UHRF2: variants seen among roughly 807,000 people sequenced by gnomAD.
The protein encoded by UHRF2 is ubiquitin like with PHD and ring finger domains 2, also known as E3 ubiquitin-protein ligase UHRF2.
UHRF2 carries 23 observed loss-of-function variants against 96.8 expected under a neutral mutation model. The ratio of observed to expected loss-of-function variants is 0.24; its 90% CI spans 0.17 to 0.34. The LOEUF (loss-of-function observed/expected upper bound fraction) is 0.34, where lower values mean the gene tolerates loss of function less well. UHRF2 is among the 10% of genes least tolerant of loss of function. The pLI is 1.00. For synonymous variants in UHRF2, 385 were observed against 332.6 expected, an observed-to-expected ratio of 1.16 and a Z score of -1.72; for missense variants, 685 against 981.5, an observed-to-expected ratio of 0.70 and a Z score of 4.04.
chr9:6,487,182 CTTTTTTTTTTTTTTTTTT>C (rs1171978950), intron 9 of UHRF2, among the ~76,000 whole-genome samples: 2 of 69,586 alleles, frequency 2.9e-5, no homozygotes, highest in East Asian at 9.7e-4. Context: ...TTTTTTTTTC[CTTTTTTTTTTTTTTTTTT>C]TTTTTTTGAG....
intron 12 of UHRF2, chr9:6,499,195 A>C (rs1825131135): frequency 6.6e-6 from 1 of 152,284 alleles, no homozygotes; most frequent in Non-Finnish European, 1.5e-5. Flanking sequence ...TTGAGGCCTG[A>C]AACATACAGT....
chr9:6,467,600 T>TTG (rs1375656812), intron 4 of UHRF2, among the ~76,000 whole-genome samples: 29 of 150,400 alleles, frequency 1.9e-4, no homozygotes, highest in Non-Finnish European at 3.6e-4. Context: ...GAATAGTTTT[T>TTG]TTTTTTTTTT....
chr9:6,479,416 T>C (rs765995364), intron 6 of UHRF2, among the ~76,000 whole-genome samples: 1 of 152,102 alleles, frequency 6.6e-6, no homozygotes, highest in Non-Finnish European at 1.5e-5. Context: ...CTTCTTAGTC[T>C]CTTGTTGGGT....
In UHRF2 at chr9:6,445,276, G is replaced by C. The variant is rs183152424; in HGVS notation, c.644+11103G>C. The stretch of plus-strand genomic sequence containing the variant: ...GACCTGTGTTATTTATGTATTGATT[G>C]ATTGATTGATGGAGTCTTGCTCTGT... On this transcript the variant is annotated intron_variant, in intron 3 of 15. Coordinates refer to ENST00000276893, the MANE Select transcript of UHRF2 (RefSeq NM_152896.3). Among the ~76,000 whole-genome samples, 225 of 151,620 alleles carry C rather than the reference G, an allele frequency of 1.5e-3. 1 individual carries two copies. The highest frequency in any genetic ancestry group is 0.014 in the Middle Eastern group (4 of 292).
chr9:6,453,196 G>C (rs1821972409), intron 3 of UHRF2, among the ~76,000 whole-genome samples: 1 of 152,090 alleles, frequency 6.6e-6, no homozygotes, highest in African/African-American at 2.4e-5. Context: ...CCTTGCTGTG[G>C]TGCCCTGTCT....
At chr9:6,502,800 G>A (rs1816372131) in intron 14 of UHRF2, among the ~76,000 whole-genome samples, 1 of 152,164 alleles carries the variant, frequency 6.6e-6, no homozygotes, top group Non-Finnish European at 1.5e-5. Flanking sequence ...TAACAAAGGT[G>A]TTTGTTAGGG....
chr9:6,458,905 C>CT (rs1822350586), intron 3 of UHRF2, among the ~76,000 whole-genome samples: 1 of 152,174 alleles, frequency 6.6e-6, no homozygotes, highest in Non-Finnish European at 1.5e-5. Context: ...GGATGAGTTC[C>CT]TGTCCTTTGC....
At chr9:6,496,432 A>G (rs1824972752) in intron 10 of UHRF2, 1 of 152,214 alleles carries the variant, frequency 6.6e-6, no homozygotes, top group African/African-American at 2.4e-5. Flanking sequence ...TCTAACATCT[A>G]ATAAGCTCAT....
At chr9:6,467,270 C>G (rs2130865629) in intron 4 of UHRF2, among the ~76,000 whole-genome samples, 1 of 152,342 alleles carries the variant, frequency 6.6e-6, no homozygotes, top group East Asian at 1.9e-4. Context: ...GATGTTGCTT[C>G]TCTTTGACAG....
chr9:6,422,646 G>C, intron 2 of UHRF2: 1 of 648,834 alleles, frequency 1.5e-6, no homozygotes, highest in Non-Finnish European at 2.9e-6. Context: ...GTCTGGCTCT[G>C]TCACCCAGGC....
At chr9:6,474,217 G>C (rs1457055567) in intron 4 of UHRF2, among the ~76,000 whole-genome samples, 4 of 152,182 alleles carry the variant, frequency 2.6e-5, no homozygotes, top group Non-Finnish European at 5.9e-5. Context: ...ATGCATTTAT[G>C]CAGTTTTTTG....
intron 3 of UHRF2, among the ~76,000 whole-genome samples, chr9:6,445,290 G>A (rs1433074991): frequency 6.6e-6 from 1 of 152,160 alleles, no homozygotes; most frequent in East Asian, 1.9e-4. Flanking sequence ...GATTGATGGA[G>A]TCTTGCTCTG....
At chr9:6,474,300 C>T (rs1227564678) in intron 4 of UHRF2, among the ~76,000 whole-genome samples, 1 of 152,162 alleles carries the variant, frequency 6.6e-6, no homozygotes, top group East Asian at 1.9e-4. Flanking sequence ...CAAGCAAGTG[C>T]TAACCAAAAG....
intron 3 of UHRF2, among the ~76,000 whole-genome samples, chr9:6,445,566 ATTT>A (rs1821438229): frequency 6.6e-6 from 1 of 151,832 alleles, no homozygotes; most frequent in African/African-American, 2.4e-5. Context: ...TAGCCTCTTT[ATTT>A]ATTTTTGAGA....
intron 6 of UHRF2, 143 bp downstream of exon 6, chr9:6,477,951 G>T (rs1823685120): frequency 3.0e-6 from 2 of 664,166 alleles, no homozygotes; most frequent in Admixed American, 6.6e-5. Context: ...AGCATTCATA[G>T]CTCTATTCAA....
chr9:6,489,067 C>G (rs1290220912), intron 9 of UHRF2, among the ~76,000 whole-genome samples: 1 of 152,188 alleles, frequency 6.6e-6, no homozygotes, highest in African/African-American at 2.4e-5. Context: ...ACCTCAGCCT[C>G]CCAAAGTGCT....
At chr9:6,471,922 G>A (rs1279786247) in intron 4 of UHRF2, among the ~76,000 whole-genome samples, 1 of 152,154 alleles carries the variant, frequency 6.6e-6, no homozygotes, top group East Asian at 1.9e-4. Context: ...AAATAGGGGA[G>A]GAGAATATAG....
chr9:6,460,440 A>AT, intron 3 of UHRF2, 133 bp from the exon 4 acceptor site: 1 of 694,778 alleles, frequency 1.4e-6, no homozygotes, highest in Non-Finnish European at 2.3e-6. Context: ...AACACCTGCT[A>AT]TTTAAGGACA....
At chr9:6,434,871 C>G (rs1182800139) in intron 3 of UHRF2, among the ~76,000 whole-genome samples, 1 of 152,088 alleles carries the variant, frequency 6.6e-6, no homozygotes, top group African/African-American at 2.4e-5. Flanking sequence ...CACTTTGTTG[C>G]ACATACTGGA....
Sources: allele counts gnomAD v4.1 joint callset (sites outside exome capture counted in the v4.1 genomes callset), GRCh38; gene constraint gnomAD v4.1.1; transcripts MANE v1.5; gene names NCBI Gene and HGNC (gene_info 2026-07-23, HGNC 2026-07-21).